CFAP20: variants seen among roughly 807,000 people sequenced by gnomAD.
CFAP20 encodes the protein cilia and flagella associated protein 20.
Under a neutral mutation model 25.5 loss-of-function variants are expected in CFAP20, and 14 were observed. That is an observed-to-expected ratio of 0.55 (90% confidence interval 0.36 to 0.86). The LOEUF is 0.86. Ranked by LOEUF, CFAP20 falls within the 40% of genes least tolerant of loss-of-function variation. CFAP20 has a pLI of 0.01. For synonymous variants in CFAP20, 75 were observed against 91.1 expected (o/e 0.82, Z 1.01); for missense variants, 181 against 248.0 (o/e 0.73, Z 1.81).
Position 58,113,992 on chromosome 16 carries a change from T to G in CFAP20, c.*33A>C. On this transcript the variant is annotated 3_prime_UTR_variant, in exon 6 of 6. Coordinates refer to ENST00000262498, the MANE Select transcript of CFAP20 (RefSeq NM_013242.3). ...TTTCCTTTTAAAAAGAAGAGTCACATCCAGGGGTCTATCCCTCGAGTCACA... is the reference window on the plus strand; with the variant it reads ...TTTCCTTTTAAAAAGAAGAGTCACAGCCAGGGGTCTATCCCTCGAGTCACA... The G allele has an allele frequency of 6.2e-7, 1 of 1,607,626 alleles. No homozygotes were observed. Among genetic ancestry groups the G allele is most frequent in the South Asian group, 1.1e-5 (1 of 90,734 alleles).
At position 58,114,086 on chromosome 16, in the gene CFAP20, T is replaced by G. The variant is rs566869745; in HGVS notation, c.577-56A>C. The G allele has an allele frequency of 2.2e-5, 35 of 1,578,568 alleles. No individual in the cohort carries two copies. In the South Asian group the frequency reaches 3.8e-4, roughly 17 times the overall value. ...GTTTAAGTTACTAGAAAATAGATGG[T>G]CAGTGTCACAGGCCCCCTGCCTCTG... On this transcript the variant is annotated intron_variant, in intron 5 of 5. Transcript: ENST00000262498.
chr16:58,113,768 C>CA lies in CFAP20; in HGVS notation c.*256dup, dbSNP rs1302221536. The CA allele has an allele frequency of 4.0e-6, 2 of 495,352 alleles. No homozygotes were observed. The highest frequency in any genetic ancestry group is 3.3e-5 in the East Asian group (1 of 29,938). 30.7% of individuals were successfully genotyped at this position (495,352 alleles called of 1,614,324 possible). On this transcript the variant is annotated 3_prime_UTR_variant, in exon 6 of 6. Coordinates refer to ENST00000262498, the MANE Select transcript of CFAP20 (RefSeq NM_013242.3). ...AGTTCATGGTAAAGGTATCTCCCCC[C>CA]ACACTGGGGCAGGCGGCGGAATAAG...
Position 58,115,005 on chromosome 16 carries a change from C to A in CFAP20, c.466-85G>T, listed in dbSNP as rs1390004244. On this transcript the variant is annotated intron_variant, in intron 4 of 5. Transcript: ENST00000262498. Reference sequence around the variant, plus strand: ...ATCTTCTAGAGGCCCTCTTCCAGGACTGGAAACGCGTCATCTCCGGCATCT... The same window carrying A: ...ATCTTCTAGAGGCCCTCTTCCAGGAATGGAAACGCGTCATCTCCGGCATCT... 6.4e-6 allele frequency: 8 copies of A among 1,256,332 alleles called. No individual in the cohort carries two copies. In the East Asian group the frequency reaches 1.9e-4, roughly 29 times the overall value. 77.8% of individuals were successfully genotyped at this position (1,256,332 alleles called of 1,614,324 possible).
intron 1 of CFAP20, among the ~76,000 whole-genome samples, chr16:58,124,113 G>A (rs1960576904): frequency 6.6e-6 from 1 of 152,186 alleles, no homozygotes; most frequent in Non-Finnish European, 1.5e-5. Flanking sequence ...GGGGGAACCG[G>A]GTGAAGTGAG....
At chr16:58,128,497 G>A (rs1176746938) in intron 1 of CFAP20, among the ~76,000 whole-genome samples, 1 of 152,152 alleles carries the variant, frequency 6.6e-6, no homozygotes, top group African/African-American at 2.4e-5. Context: ...TGGCTTGGCC[G>A]GAGTCTTTCT....
At chr16:58,127,381 G>A (rs1162031201) in intron 1 of CFAP20, among the ~76,000 whole-genome samples, 2 of 152,210 alleles carry the variant, frequency 1.3e-5, no homozygotes, top group Non-Finnish European at 2.9e-5. Flanking sequence ...CCTAGGTCAA[G>A]TCCCATTCTC....
chr16:58,122,794 T>A (rs1960552333), intron 1 of CFAP20, among the ~76,000 whole-genome samples: 1 of 152,238 alleles, frequency 6.6e-6, no homozygotes, highest in African/African-American at 2.4e-5. Context: ...AAATTTTTTC[T>A]GAAGAGAGAC....
At chr16:58,123,594 T>TAAAA (rs1960567296) in intron 1 of CFAP20, among the ~76,000 whole-genome samples, 1 of 9,556 alleles carries the variant, frequency 1.0e-4, no homozygotes, top group Admixed American at 2.1e-3. Context: ...AGACTCTGTC[T>TAAAA]CAAAAAAAAA....
chr16:58,123,503 G>A (rs965169035), intron 1 of CFAP20, among the ~76,000 whole-genome samples: 12 of 145,550 alleles, frequency 8.2e-5, no homozygotes, highest in African/African-American at 3.0e-4. Flanking sequence ...GGCTGAGGCA[G>A]GAGAATGGCG....
intron 1 of CFAP20, among the ~76,000 whole-genome samples, chr16:58,128,042 C>T (rs978160120): frequency 2.0e-5 from 3 of 152,220 alleles, no homozygotes; most frequent in Non-Finnish European, 2.9e-5. Flanking sequence ...TCGCCATTCT[C>T]CCAGAGAGCA....
chr16:58,116,133 G>A lies in CFAP20; in HGVS notation c.184C>T (p.Pro62Ser). The A allele has an allele frequency of 6.2e-7, 1 of 1,612,232 alleles. No individual in the cohort carries two copies. The highest frequency in any genetic ancestry group is 8.5e-7 in the Non-Finnish European group (1 of 1,178,378). The change falls in exon 3 of 6, where the codon CCT (proline) becomes TCT (serine). Residue 62 changes from proline (P) to serine (S), a missense_variant. Physicochemically the swap from Pro to Ser is moderately conservative, Grantham distance 74. Coordinates refer to ENST00000262498, the MANE Select transcript of CFAP20 (RefSeq NM_013242.3). ...TNVSTTYITC[P>S]ADPKKTLGIK... ...CCCAGCGTCTTCTTGGGGTCTGCAG[G>A]GCATGTGATATATGTGGTGCTGTAG...
At chr16:58,120,227 C>T (rs1960516283) in intron 1 of CFAP20, among the ~76,000 whole-genome samples, 1 of 152,246 alleles carries the variant, frequency 6.6e-6, no homozygotes, top group African/African-American at 2.4e-5. Flanking sequence ...TTCTCAATAA[C>T]ATAACCATTC....
intron 1 of CFAP20, among the ~76,000 whole-genome samples, chr16:58,121,946 C>G (rs1377142214): frequency 6.6e-6 from 1 of 152,276 alleles, no homozygotes; most frequent in African/African-American, 2.4e-5. Context: ...GCCTGGCAGG[C>G]AGCTGAACCC....
At chr16:58,128,832 G>GCCC (rs35532705) in intron 1 of CFAP20, among the ~76,000 whole-genome samples, 200 bp downstream of exon 1, 9 of 74,296 alleles carry the variant, frequency 1.2e-4, no homozygotes, top group African/African-American at 5.8e-5. Flanking sequence ...CACATGCACC[G>GCCC]CCCCCCCCCC....
In CFAP20 at chr16:58,129,104, G is replaced by A. The variant is rs1302594574; in HGVS notation, c.12C>T (p.Asn4=). Residue 4 remains asparagine, a synonymous_variant, in exon 1 of 6, where the codon AAC becomes AAT. Coordinates refer to ENST00000262498, the MANE Select transcript of CFAP20 (RefSeq NM_013242.3). MFK[N]TFQSGFLSIL... ...TGGAGAGGAAGCCGCTCTGGAACGT[G>A]TTTTTGAACATCTCGCCGGCGGCCT... The A allele has an allele frequency of 6.2e-7, 1 of 1,613,796 alleles. No homozygotes were observed. Among genetic ancestry groups the A allele is most frequent in the East Asian group, 2.2e-5 (1 of 44,874 alleles).
intron 1 of CFAP20, among the ~76,000 whole-genome samples, chr16:58,120,272 C>T (rs1960517226): frequency 6.6e-6 from 1 of 152,196 alleles, no homozygotes; most frequent in African/African-American, 2.4e-5. Flanking sequence ...AGCAAATAGA[C>T]AGTTAAATTG....
intron 1 of CFAP20, among the ~76,000 whole-genome samples, 197 bp downstream of exon 1, chr16:58,128,827 GCACCGCCC>G (rs1244936797): frequency 4.3e-5 from 4 of 93,818 alleles, no homozygotes; most frequent in Admixed American, 4.1e-4. Flanking sequence ...CCACCCACAT[GCACCGCCC>G]CCCCCCCACC....
rs551967243 is a variant in CFAP20, at chr16:58,128,922, C to G, written c.84+110G>C. ...TGGGGACAAGGCACAGCAGCGTCCT[C>G]TCGGCCTCTCCCAGGCCCCAATTCG... On this transcript the variant is annotated intron_variant, in intron 1 of 5. Coordinates refer to ENST00000262498, the MANE Select transcript of CFAP20 (RefSeq NM_013242.3). 1.3e-5 allele frequency: 16 copies of G among 1,223,834 alleles called. No homozygotes were observed. The South Asian group carries it at 1.8e-4, about 14-fold the overall frequency. The allele number at this position is 1,223,834 out of a possible 1,614,324, so 75.8% of individuals were successfully genotyped here.
chr16:58,129,169 T>C lies in CFAP20; in HGVS notation c.-54A>G, dbSNP rs1597090771. The C allele has an allele frequency of 6.3e-7, 1 of 1,585,380 alleles. No homozygotes were observed. The highest frequency in any genetic ancestry group is 8.6e-7 in the Non-Finnish European group (1 of 1,160,586). On this transcript the variant is annotated 5_prime_UTR_variant, in exon 1 of 6. Transcript: ENST00000262498. ...CCCGGAGCCGACCTAGGCCCCGGAG[T>C]AGATACAGGCACCGAGCGTCGAGGG...
Sources: gnomAD v4.1 joint callset for allele counts (sites outside exome capture counted in the v4.1 genomes callset) on GRCh38, gnomAD v4.1.1 for gene constraint, MANE v1.5 for transcripts, NCBI Gene and HGNC (gene_info 2026-07-23, HGNC 2026-07-21) for gene names.